NRXN3: variants seen among roughly 807,000 people sequenced by gnomAD.
The protein encoded by NRXN3 is neurexin 3, also known as neurexin III.
A neutral mutation model predicts 137.6 loss-of-function variants in NRXN3; 32 were observed. That is an observed-to-expected ratio of 0.23 (90% confidence interval 0.18 to 0.31). The LOEUF (loss-of-function observed/expected upper bound fraction) is 0.31, where lower values mean the gene tolerates loss of function less well. NRXN3 is among the 10% of genes least tolerant of loss of function. The pLI, the probability that NRXN3 is intolerant of heterozygous loss-of-function variation, is 1.00. For missense variants in NRXN3, 1,574 were observed against 2,062.5 expected (o/e 0.76, Z 4.59); for synonymous variants, 798 against 784.5 (o/e 1.02, Z -0.29).
At chr14:79,590,605 T>A (rs1341420524) in intron 16 of NRXN3, among the ~76,000 whole-genome samples, 1 of 152,080 alleles carries the variant, frequency 6.6e-6, no homozygotes, top group Non-Finnish European at 1.5e-5. Context: ...TTTCTCCTTC[T>A]CCATCCCCTG....
intron 1 of NRXN3, among the ~76,000 whole-genome samples, chr14:78,232,446 A>AT (rs11385315): frequency 0.14 from 21,332 of 151,742 alleles, 2,072 homozygotes; most frequent in African/African-American, 0.28. Context: ...CATGTGTTTG[A>AT]TTTTTTTCCC....
intron 10 of NRXN3, among the ~76,000 whole-genome samples, chr14:78,932,167 T>G (rs1334950441): frequency 6.6e-6 from 1 of 151,418 alleles, no homozygotes; most frequent in East Asian, 1.9e-4. Context: ...TAATTAATTT[T>G]TTTAAAAAGC....
intron 4 of NRXN3, among the ~76,000 whole-genome samples, chr14:78,512,853 T>C (rs2096134637): frequency 6.6e-6 from 1 of 152,166 alleles, no homozygotes; most frequent in Non-Finnish European, 1.5e-5. Flanking sequence ...GAGCTTTTCA[T>C]TTATTCTTTC....
chr14:79,465,631 T>A (rs959620805), intron 15 of NRXN3, among the ~76,000 whole-genome samples: 3 of 152,238 alleles, frequency 2.0e-5, no homozygotes, highest in Non-Finnish European at 4.4e-5. Flanking sequence ...ACTTCTTCTT[T>A]GGTCAACATA....
At chr14:78,245,098 G>A (rs1255609157) in intron 2 of NRXN3, among the ~76,000 whole-genome samples, 2 of 152,230 alleles carry the variant, frequency 1.3e-5, no homozygotes, top group African/African-American at 4.8e-5. Flanking sequence ...AGGTTAGGGT[G>A]ACAGGAGGCA....
intron 15 of NRXN3, among the ~76,000 whole-genome samples, chr14:79,457,256 G>A (rs1220289063): frequency 2.0e-5 from 3 of 152,238 alleles, no homozygotes; most frequent in Non-Finnish European, 2.9e-5. Context: ...GTGCTGCGCC[G>A]ATAGAATAAT....
chr14:78,420,045 C>T (rs2093372909), intron 4 of NRXN3, among the ~76,000 whole-genome samples: 1 of 151,906 alleles, frequency 6.6e-6, no homozygotes, highest in Non-Finnish European at 1.5e-5. Flanking sequence ...GAAGGGATGC[C>T]TCTTGTATGC....
intron 4 of NRXN3, among the ~76,000 whole-genome samples, chr14:78,377,489 A>C (rs1453345785): frequency 6.6e-6 from 1 of 152,244 alleles, no homozygotes. Flanking sequence ...GGTAATAGGT[A>C]ATTGGTAATA....
At chr14:79,574,218 GCACC>G (rs1482195498) in intron 16 of NRXN3, among the ~76,000 whole-genome samples, 22 of 145,596 alleles carry the variant, frequency 1.5e-4, no homozygotes, top group Non-Finnish European at 4.5e-5. Context: ...ATGCGTGCAT[GCACC>G]CACACACACA....
intron 15 of NRXN3, among the ~76,000 whole-genome samples, chr14:79,066,167 G>A (rs2099680498): frequency 6.6e-6 from 1 of 152,200 alleles, no homozygotes; most frequent in Admixed American, 6.5e-5. Context: ...ATTTTTGTAT[G>A]TGGTGTAAAG....
At chr14:79,026,905 G>A (rs1029508908) in intron 15 of NRXN3, among the ~76,000 whole-genome samples, 2 of 143,006 alleles carry the variant, frequency 1.4e-5, no homozygotes, top group Admixed American at 7.1e-5. Context: ...AGAATCATGC[G>A]TGATCCCAGA....
intron 19 of NRXN3, among the ~76,000 whole-genome samples, chr14:79,789,380 G>A (rs887807570): frequency 2.0e-5 from 3 of 152,094 alleles, no homozygotes; most frequent in Non-Finnish European, 4.4e-5. Context: ...AAGAGGTCCC[G>A]ACTTAGACCC....
At chr14:79,378,031 C>T (rs2094355947) in intron 15 of NRXN3, among the ~76,000 whole-genome samples, 1 of 152,146 alleles carries the variant, frequency 6.6e-6, no homozygotes, top group Non-Finnish European at 1.5e-5. Flanking sequence ...AAAGGTTAAA[C>T]ACTTGTCATG....
At chr14:79,653,728 T>C (rs2098489026) in intron 16 of NRXN3, among the ~76,000 whole-genome samples, 1 of 152,226 alleles carries the variant, frequency 6.6e-6, no homozygotes, top group African/African-American at 2.4e-5. Context: ...GATATATTGT[T>C]CTATTTGCCA....
At chr14:79,275,757 G>A (rs2080193012) in intron 15 of NRXN3, among the ~76,000 whole-genome samples, 1 of 151,906 alleles carries the variant, frequency 6.6e-6, no homozygotes. Flanking sequence ...TAAAAAGCAA[G>A]AGGAGAAGGT....
chr14:78,296,515 A>G (rs1020905979), intron 3 of NRXN3, among the ~76,000 whole-genome samples: 1 of 152,182 alleles, frequency 6.6e-6, no homozygotes, highest in Admixed American at 6.5e-5. Context: ...CTTCCCCCAC[A>G]AAAGACCCAA....
At chr14:79,689,100 A>G (rs571778796) in intron 17 of NRXN3, among the ~76,000 whole-genome samples, 7 of 152,168 alleles carry the variant, frequency 4.6e-5, no homozygotes, top group African/African-American at 1.4e-4. Context: ...CCTTTTAATG[A>G]TATTATGATG....
chr14:78,898,331 A>G (rs770427055), intron 10 of NRXN3, among the ~76,000 whole-genome samples: 12 of 151,992 alleles, frequency 7.9e-5, no homozygotes, highest in Non-Finnish European at 1.8e-4. Flanking sequence ...ATTTTAAACA[A>G]GGACTTTGAA....
At chr14:79,271,344 A>G (rs1256566962) in intron 15 of NRXN3, among the ~76,000 whole-genome samples, 1 of 152,046 alleles carries the variant, frequency 6.6e-6, no homozygotes, top group Admixed American at 6.6e-5. Context: ...GGCTTCCAAC[A>G]CATGAGTTTC....
Sources: gnomAD v4.1 joint callset for allele counts (sites outside exome capture counted in the v4.1 genomes callset) on GRCh38, gnomAD v4.1.1 for gene constraint, MANE v1.5 for transcripts, NCBI Gene and HGNC (gene_info 2026-07-23, HGNC 2026-07-21) for gene names.